Variants in DYM observed in about 807,000 individuals in gnomAD.
DYM encodes the protein dymeclin.
In DYM, 78 loss-of-function variants were observed where a neutral mutation model predicts 93.1. The observed-to-expected ratio is 0.84, with a 90% confidence interval of 0.70 to 1.01. The LOEUF (loss-of-function observed/expected upper bound fraction) is 1.01, where lower values mean the gene tolerates loss of function less well. Among genes scored for constraint, DYM ranks in the 50% least tolerant of loss-of-function variants. DYM has a pLI of 0.00. For missense variants in DYM, 789 were observed against 845.0 expected, an observed-to-expected ratio of 0.93 and a Z score of 0.82; for synonymous variants, 321 against 319.7, an observed-to-expected ratio of 1.00 and a Z score of -0.04.
chr18:49,460,045 T>G (rs544119283), intron 1 of DYM, among the ~76,000 whole-genome samples: 17 of 152,284 alleles, frequency 1.1e-4, no homozygotes, highest in African/African-American at 3.6e-4. Context: ...TAGTTATACC[T>G]CGATAAACTA....
intron 17 of DYM, among the ~76,000 whole-genome samples, chr18:49,076,276 G>A (rs764993935): frequency 2.0e-5 from 3 of 152,184 alleles, no homozygotes; most frequent in Non-Finnish European, 2.9e-5. Flanking sequence ...GAGTCTGAAA[G>A]ACACATTAAG....
At chr18:49,445,515 G>A (rs961631086) in intron 1 of DYM, among the ~76,000 whole-genome samples, 26 of 151,968 alleles carry the variant, frequency 1.7e-4, no homozygotes, top group African/African-American at 5.8e-4. Flanking sequence ...CCATAATAAA[G>A]AACAAGAGGA....
chr18:49,422,261 T>C (rs569153694), intron 2 of DYM, among the ~76,000 whole-genome samples: 86 of 152,264 alleles, frequency 5.6e-4, no homozygotes, highest in African/African-American at 2.0e-3. Flanking sequence ...GAGAGAAAGG[T>C]TGGGTTACCC....
intron 14 of DYM, among the ~76,000 whole-genome samples, chr18:49,167,948 C>T (rs1272099653): frequency 2.0e-5 from 3 of 152,034 alleles, no homozygotes; most frequent in South Asian, 2.1e-4. Flanking sequence ...AAATATTATA[C>T]AGCAATTTAA....
At chr18:49,147,546 A>G (rs1488803157) in intron 15 of DYM, among the ~76,000 whole-genome samples, 2 of 152,310 alleles carry the variant, frequency 1.3e-5, no homozygotes, top group East Asian at 3.9e-4. Context: ...ATGAACAGAC[A>G]CTTCTCAAAA....
intron 8 of DYM, among the ~76,000 whole-genome samples, chr18:49,328,208 T>C (rs1380968383): frequency 7.2e-5 from 11 of 152,194 alleles, no homozygotes; most frequent in Non-Finnish European, 1.5e-5. Flanking sequence ...CATTTTATTG[T>C]ATGTGGAGCC....
chr18:49,175,554 T>C (rs1443146611), intron 14 of DYM, among the ~76,000 whole-genome samples: 1 of 152,312 alleles, frequency 6.6e-6, no homozygotes, highest in African/African-American at 2.4e-5. Context: ...TTAAAATTCA[T>C]TTCCATCCAG....
chr18:49,178,438 A>T (rs1230036244), intron 14 of DYM, among the ~76,000 whole-genome samples: 1 of 152,130 alleles, frequency 6.6e-6, no homozygotes, highest in Non-Finnish European at 1.5e-5. Context: ...CAAACTCCTA[A>T]AAGTCTGCAA....
intron 1 of DYM, among the ~76,000 whole-genome samples, chr18:49,446,818 G>A (rs1000274370): frequency 6.6e-6 from 1 of 152,176 alleles, no homozygotes. Context: ...CAGCACTTCG[G>A]CAGGCCAAAG....
chr18:49,253,125 T>C (rs1023468641), intron 13 of DYM, among the ~76,000 whole-genome samples: 2 of 152,228 alleles, frequency 1.3e-5, no homozygotes, highest in African/African-American at 4.8e-5. Flanking sequence ...TAACATGTTA[T>C]CTGTTTTGCA....
chr18:49,153,773 A>G (rs543982414), intron 15 of DYM, among the ~76,000 whole-genome samples: 2 of 152,364 alleles, frequency 1.3e-5, no homozygotes, highest in East Asian at 3.9e-4. Context: ...AGAAAAAAAG[A>G]AAATCACTAG....
intron 2 of DYM, among the ~76,000 whole-genome samples, chr18:49,392,445 A>G (rs779932800): frequency 3.2e-4 from 49 of 152,156 alleles, no homozygotes; most frequent in Non-Finnish European, 5.9e-4. Flanking sequence ...TGTAAATCAC[A>G]TATCTGATAA....
chr18:49,412,677 A>C (rs74763071), intron 2 of DYM, among the ~76,000 whole-genome samples: 13,907 of 152,252 alleles, frequency 0.091, 856 homozygotes, highest in East Asian at 0.31. Flanking sequence ...ACAACAGAGC[A>C]GATTTTTCAA....
intron 14 of DYM, among the ~76,000 whole-genome samples, chr18:49,168,342 T>C (rs1315508576): frequency 6.6e-6 from 1 of 152,196 alleles, no homozygotes; most frequent in East Asian, 1.9e-4. Flanking sequence ...GGAAGTATTA[T>C]ATAACGTTTT....
intron 2 of DYM, among the ~76,000 whole-genome samples, chr18:49,394,627 A>G (rs1387595634): frequency 6.6e-6 from 1 of 152,186 alleles, no homozygotes. Flanking sequence ...GATAGCATAG[A>G]CATTTTAACA....
chr18:49,452,573 T>C (rs183354007), intron 1 of DYM, among the ~76,000 whole-genome samples: 34 of 152,236 alleles, frequency 2.2e-4, no homozygotes, highest in Admixed American at 2.0e-3. Context: ...TTACAAACCT[T>C]GAGCTAGACA....
chr18:49,085,797 G>A (rs1047486520), intron 17 of DYM, among the ~76,000 whole-genome samples: 11 of 151,806 alleles, frequency 7.2e-5, no homozygotes, highest in East Asian at 1.9e-4. Flanking sequence ...TAGTAGAGAC[G>A]GGGTTTCACC....
chr18:49,148,345 TA>T (rs1371515560), intron 15 of DYM, among the ~76,000 whole-genome samples: 1 of 148,998 alleles, frequency 6.7e-6, no homozygotes, highest in Non-Finnish European at 1.5e-5. Context: ...AGTATAATTT[TA>T]AAAAAAGAAC....
At chr18:49,272,054 A>G (rs1599033487) in intron 11 of DYM, 124 bp downstream of exon 11, 2 of 818,100 alleles carry the variant, frequency 2.4e-6, no homozygotes, top group East Asian at 5.2e-5. Context: ...AGAAAGACAT[A>G]ACATTTCTAA....
Sources: gnomAD v4.1 joint callset for allele counts (sites outside exome capture counted in the v4.1 genomes callset) on GRCh38, gnomAD v4.1.1 for gene constraint, MANE v1.5 for transcripts, NCBI Gene and HGNC (gene_info 2026-07-23, HGNC 2026-07-21) for gene names.